CHST9: variants seen among roughly 807,000 people sequenced by gnomAD.
CHST9 encodes the protein GalNAc-4-sulfotransferase 2.
In CHST9, 41 loss-of-function variants were observed where a neutral mutation model predicts 44.4. That is an observed-to-expected ratio of 0.92 (90% CI 0.72 to 1.20). The LOEUF (loss-of-function observed/expected upper bound fraction) is 1.20, where lower values mean the gene tolerates loss of function less well. CHST9 is among the 50% of genes most tolerant of loss of function. CHST9 has a pLI of 0.00. For missense variants in CHST9, 504 were observed against 516.5 expected, an observed-to-expected ratio of 0.98 and a Z score of 0.23; for synonymous variants, 171 against 178.4, an observed-to-expected ratio of 0.96 and a Z score of 0.33.
intron 2 of CHST9, among the ~76,000 whole-genome samples, chr18:27,138,359 C>G (rs2058534541): frequency 6.6e-6 from 1 of 152,144 alleles, no homozygotes; most frequent in African/African-American, 2.4e-5. Context: ...CTTGTATGGA[C>G]ACGAGATACC....
chr18:26,911,523 G>T lies in CHST9; in HGVS notation c.*4736C>A, dbSNP rs1413078748. On this transcript the variant is annotated 3_prime_UTR_variant, in exon 6 of 6. Transcript: ENST00000618847. ...GGAGCTCATAAAGAGATGAGATTTTGAAATTGAATAATCTCAAGAGATTCC... is the reference window on the plus strand; with the variant it reads ...GGAGCTCATAAAGAGATGAGATTTTTAAATTGAATAATCTCAAGAGATTCC... The T allele has an allele frequency of 6.6e-6, 1 of 152,176 alleles. No homozygotes were observed. Among genetic ancestry groups the T allele is most frequent in the African/African-American group, 2.4e-5 (1 of 41,448 alleles). 9.4% of individuals were successfully genotyped at this position (152,176 alleles called of 1,614,324 possible). A position where few individuals can be genotyped will look rare whatever the true frequency, so the allele number is the denominator to read the frequency against.
intron 2 of CHST9, among the ~76,000 whole-genome samples, chr18:27,122,728 A>T (rs1461868050): frequency 6.6e-6 from 1 of 152,232 alleles, no homozygotes; most frequent in Non-Finnish European, 1.5e-5. Flanking sequence ...ATAGGAAAAC[A>T]TCAGTTTTTA....
intron 5 of CHST9, 151 bp from the exon 6 acceptor site, chr18:26,917,501 T>A (rs2055559232): frequency 2.3e-6 from 2 of 876,922 alleles, no homozygotes; most frequent in Non-Finnish European, 3.5e-6. Context: ...ATGCTGAACA[T>A]ACATTTTGTA....
intron 2 of CHST9, among the ~76,000 whole-genome samples, chr18:27,094,048 G>A (rs1598719354): frequency 6.6e-6 from 1 of 151,968 alleles, no homozygotes; most frequent in East Asian, 1.9e-4. Flanking sequence ...ATCTGCAAAA[G>A]GGTTATTTTC....
intron 3 of CHST9, among the ~76,000 whole-genome samples, chr18:27,038,708 G>GT (rs373753627): frequency 7.0e-4 from 106 of 152,092 alleles, no homozygotes; most frequent in African/African-American, 2.4e-3. Flanking sequence ...AGTGTAAAGT[G>GT]TTTTTTTCAT....
intron 2 of CHST9, among the ~76,000 whole-genome samples, chr18:27,116,472 G>A (rs1292547173): frequency 6.6e-6 from 1 of 152,114 alleles, no homozygotes; most frequent in East Asian, 1.9e-4. Flanking sequence ...ATCCATTGAT[G>A]AACCACACTG....
At chr18:27,106,792 A>G (rs2058224969) in intron 2 of CHST9, among the ~76,000 whole-genome samples, 1 of 152,210 alleles carries the variant, frequency 6.6e-6, no homozygotes. Context: ...ACAATTTACC[A>G]GTCTATCGCA....
chr18:26,910,417 A>G lies in CHST9; in HGVS notation c.*5842T>C, dbSNP rs2055425525. ...TGGCGGGGGAAGGAATACACTCTTC[A>G]GAGCAGGACTTGAAAAGTGAGATGC... is the stretch of plus-strand genomic sequence containing the variant. On this transcript the variant is annotated 3_prime_UTR_variant, in exon 6 of 6. Coordinates refer to ENST00000618847, the MANE Select transcript of CHST9 (RefSeq NM_031422.6). 1 of 152,282 alleles carries G rather than the reference A, an allele frequency of 6.6e-6. No homozygotes were observed. Among genetic ancestry groups the G allele is most frequent in the African/African-American group, 2.4e-5 (1 of 41,450 alleles). 9.4% of individuals were successfully genotyped at this position (152,282 alleles called of 1,614,324 possible).
At chr18:26,982,727 A>G (rs145073143) in intron 4 of CHST9, among the ~76,000 whole-genome samples, 161 of 152,230 alleles carry the variant, frequency 1.1e-3, no homozygotes, top group African/African-American at 3.8e-3. Flanking sequence ...TGAAGTCTCC[A>G]TTTACTGTAC....
chr18:27,029,953 T>G (rs1350010403), intron 3 of CHST9, among the ~76,000 whole-genome samples: 1 of 152,220 alleles, frequency 6.6e-6, no homozygotes, highest in Non-Finnish European at 1.5e-5. Context: ...GCACCAGTTT[T>G]GAAGAACTTC....
intron 4 of CHST9, among the ~76,000 whole-genome samples, chr18:27,014,949 G>T (rs1444018636): frequency 2.0e-5 from 3 of 151,630 alleles, no homozygotes; most frequent in Non-Finnish European, 4.4e-5. Flanking sequence ...CCTTAGTGGG[G>T]GTCACCAAGG....
chr18:26,987,564 A>T (rs942573787), intron 4 of CHST9, among the ~76,000 whole-genome samples: 14 of 152,208 alleles, frequency 9.2e-5, no homozygotes, highest in African/African-American at 3.1e-4. Flanking sequence ...AATAAAATAT[A>T]TGACAACAAC....
chr18:26,958,648 C>T (rs2056359897), intron 4 of CHST9, among the ~76,000 whole-genome samples: 1 of 152,120 alleles, frequency 6.6e-6, no homozygotes, highest in Non-Finnish European at 1.5e-5. Context: ...AAACAAACAA[C>T]CTCATTAAAA....
intron 4 of CHST9, among the ~76,000 whole-genome samples, chr18:26,956,269 G>A (rs539915661): frequency 1.2e-4 from 18 of 145,200 alleles, no homozygotes; most frequent in Admixed American, 4.2e-4. Context: ...CTGAGATTGC[G>A]CCACTGAACT....
intron 2 of CHST9, among the ~76,000 whole-genome samples, chr18:27,129,989 G>A (rs2058457977): frequency 1.3e-5 from 2 of 152,070 alleles, no homozygotes; most frequent in African/African-American, 2.4e-5. Context: ...AAGAAGGCAG[G>A]AAAGAAGAAG....
At chr18:27,010,041 T>C (rs972361143) in intron 4 of CHST9, among the ~76,000 whole-genome samples, 1 of 152,250 alleles carries the variant, frequency 6.6e-6, no homozygotes, top group African/African-American at 2.4e-5. Flanking sequence ...CTGTGAAGGC[T>C]TATAAGTCTT....
intron 4 of CHST9, among the ~76,000 whole-genome samples, chr18:27,002,289 A>T (rs941888457): frequency 6.6e-6 from 1 of 151,280 alleles, no homozygotes; most frequent in Non-Finnish European, 1.5e-5. Flanking sequence ...TATTTCCTTT[A>T]TTGCATTATG....
intron 4 of CHST9, among the ~76,000 whole-genome samples, chr18:26,977,449 A>G (rs1313756105): frequency 5.3e-5 from 8 of 152,016 alleles, no homozygotes; most frequent in Admixed American, 4.6e-4. Context: ...AAAAATGAAA[A>G]GAAAAAAAGT....
chr18:27,138,262 T>C (rs1434035606), intron 2 of CHST9, among the ~76,000 whole-genome samples: 1 of 152,202 alleles, frequency 6.6e-6, no homozygotes, highest in Non-Finnish European at 1.5e-5. Flanking sequence ...ATTACATGCC[T>C]GTATTCACCA....
Sources: allele counts gnomAD v4.1 joint callset (sites outside exome capture counted in the v4.1 genomes callset), GRCh38; gene constraint gnomAD v4.1.1; transcripts MANE v1.5; gene names NCBI Gene and HGNC (gene_info 2026-07-23, HGNC 2026-07-21).